Variants in VWF observed in about 807,000 individuals in gnomAD.
The protein encoded by VWF is von Willebrand factor.
Under a neutral mutation model 308.6 loss-of-function variants are expected in VWF, and 176 were observed. That is an observed-to-expected ratio of 0.57 (90% CI 0.50 to 0.65). The LOEUF (loss-of-function observed/expected upper bound fraction) is 0.65. Ranked by LOEUF, VWF falls within the 30% of genes least tolerant of loss-of-function variation. The pLI is 0.00. For missense variants in VWF, 3,146 were observed against 3,648.2 expected (o/e 0.86, Z 3.55); for synonymous variants, 1,385 against 1,443.4 (o/e 0.96, Z 0.92).
intron 3 of VWF, among the ~76,000 whole-genome samples, chr12:6,113,355 T>C (rs954514447): frequency 2.6e-5 from 4 of 150,998 alleles, no homozygotes; most frequent in African/African-American, 9.8e-5. Flanking sequence ...TGGAGTGCAG[T>C]GGCGCGATCT....
intron 9 of VWF, 53 bp downstream of exon 9, chr12:6,072,278 C>G: frequency 1.3e-6 from 2 of 1,566,906 alleles, no homozygotes; most frequent in Non-Finnish European, 8.8e-7. Context: ...CCCAGCTTCC[C>G]TCCCCAGTCC....
intron 42 of VWF, among the ~76,000 whole-genome samples, chr12:5,979,974 G>C (rs914589170): frequency 4.7e-5 from 7 of 148,894 alleles, no homozygotes; most frequent in African/African-American, 1.7e-4. Context: ...CCGGGAGGTG[G>C]AGCTTGCAGT....
chr12:5,976,364 A>G lies in VWF; in HGVS notation c.7288-104T>C, dbSNP rs907030902. The stretch of plus-strand genomic sequence containing the variant: ...CCGCTCTAAGTGCTGAGAATGTGGC[A>G]ATAAATAAAACCAAATGTGGTCTCC... On this transcript the variant is annotated intron_variant, in intron 42 of 51. Transcript: ENST00000261405. 2.7e-6 allele frequency: 4 copies of G among 1,487,826 alleles called. No homozygotes were observed. The South Asian group carries it at 4.6e-5, about 17-fold the overall frequency. The allele number at this position is 1,487,826 out of a possible 1,614,324, so 92.2% of individuals were successfully genotyped here.
chr12:6,034,190 T>C (rs216320), intron 20 of VWF, among the ~76,000 whole-genome samples: 139,038 of 152,172 alleles, frequency 0.91, 63,650 homozygotes, highest in African/African-American at 0.94. Flanking sequence ...CAAAGCCATA[T>C]CGTGGGAAGC....
intron 42 of VWF, among the ~76,000 whole-genome samples, chr12:5,979,490 G>A (rs1405919142): frequency 2.0e-5 from 3 of 152,198 alleles, no homozygotes; most frequent in Non-Finnish European, 4.4e-5. Flanking sequence ...GGTGGCTGAC[G>A]CCTGTAATCC....
chr12:6,004,111 TTATATG>T (rs1943902769), intron 34 of VWF, among the ~76,000 whole-genome samples: 1 of 152,172 alleles, frequency 6.6e-6, no homozygotes, highest in Non-Finnish European at 1.5e-5. Context: ...AAATTTTATG[TTATATG>T]TATATTACTG....
At chr12:5,980,639 G>A (rs1350664004) in intron 42 of VWF, among the ~76,000 whole-genome samples, 1 of 152,230 alleles carries the variant, frequency 6.6e-6, no homozygotes, top group Non-Finnish European at 1.5e-5. Context: ...GAAAGCAGCA[G>A]CAGCAACTGT....
At chr12:5,976,940 C>T (rs1943540544) in intron 42 of VWF, among the ~76,000 whole-genome samples, 3 of 152,224 alleles carry the variant, frequency 2.0e-5, no homozygotes, top group Admixed American at 2.0e-4. Context: ...GCTGTTTGAT[C>T]ACGGGACTTA....
chr12:6,039,228 C>T (rs980309196), intron 18 of VWF, among the ~76,000 whole-genome samples: 4 of 152,218 alleles, frequency 2.6e-5, no homozygotes, highest in Non-Finnish European at 5.9e-5. Context: ...CAAAAATACT[C>T]GTCCCATCAC....
intron 16 of VWF, among the ~76,000 whole-genome samples, chr12:6,051,371 A>C (rs1327142271): frequency 2.0e-5 from 3 of 146,606 alleles, no homozygotes; most frequent in African/African-American, 7.8e-5. Context: ...AGCTCACTGC[A>C]ACCTCCGCCT....
At chr12:5,980,412 T>C (rs1943592590) in intron 42 of VWF, among the ~76,000 whole-genome samples, 1 of 152,142 alleles carries the variant, frequency 6.6e-6, no homozygotes, top group African/African-American at 2.4e-5. Context: ...ATACAGGGGA[T>C]AGAGGAACAC....
At position 5,991,908 on chromosome 12, in the gene VWF, A is replaced by G. The variant is rs770625592; in HGVS notation, c.6709T>C (p.Cys2237Arg). 6 of 1,614,234 alleles carry G rather than the reference A, an allele frequency of 3.7e-6. No homozygotes were observed. The South Asian group carries it at 6.6e-5, about 18-fold the overall frequency. ...CGDHPSEGCF[C>R]PPDKVMLEGS... ...TCCAACATGACTTTATCTGGAGGGCAGAAACAGCCTTCGGAGGGATGGTCC... is the reference window on the plus strand; with the variant it reads ...TCCAACATGACTTTATCTGGAGGGCGGAAACAGCCTTCGGAGGGATGGTCC... Residue 2237 changes from cysteine to arginine, a missense_variant, in exon 38 of 52, where the codon TGC becomes CGC. By Grantham distance (180) the Cys-to-Arg change is radical. Around this residue, in one of 3 missense-constraint regions of VWF, gnomAD observed 989 missense variants for 1,117.4 expected, o/e 0.89. Transcript: ENST00000261405.
At chr12:6,044,122 G>GCT (rs879775751) in intron 18 of VWF, among the ~76,000 whole-genome samples, 169 bp downstream of exon 18, 6,003 of 152,200 alleles carry the variant, frequency 0.039, 146 homozygotes, top group Middle Eastern at 0.068. Context: ...TTGGCAGGGA[G>GCT]GAGACAGAAG....
intron 43 of VWF, among the ~76,000 whole-genome samples, chr12:5,973,468 C>T (rs1480940023): frequency 6.6e-6 from 1 of 152,194 alleles, no homozygotes; most frequent in African/African-American, 2.4e-5. Context: ...AGATGCCAAG[C>T]TCTGGTCACT....
intron 3 of VWF, among the ~76,000 whole-genome samples, chr12:6,116,087 G>A (rs1162970240): frequency 6.6e-6 from 1 of 152,138 alleles, no homozygotes; most frequent in Non-Finnish European, 1.5e-5. Context: ...ATCAGATGAT[G>A]TGCAGCCATT....
intron 3 of VWF, among the ~76,000 whole-genome samples, chr12:6,120,762 A>G (rs1446505387): frequency 6.6e-6 from 1 of 152,146 alleles, no homozygotes; most frequent in Non-Finnish European, 1.5e-5. Flanking sequence ...CTTCTGCAGG[A>G]ATACAGGAAG....
At chr12:6,047,961 T>C (rs973172443) in intron 16 of VWF, among the ~76,000 whole-genome samples, 1 of 152,226 alleles carries the variant, frequency 6.6e-6, no homozygotes, top group African/African-American at 2.4e-5. Context: ...AGGGCGGGGA[T>C]AGCAGGTGTG....
intron 5 of VWF, among the ~76,000 whole-genome samples, chr12:6,098,894 G>C (rs1945132394): frequency 6.6e-6 from 1 of 152,138 alleles, no homozygotes; most frequent in South Asian, 2.1e-4. Context: ...TGCCAACGAA[G>C]GGGTGTGGGT....
chr12:6,019,754 G>C lies in VWF; in HGVS notation c.3675-11C>G, dbSNP rs1182887308. 1.2e-6 allele frequency: 2 copies of C among 1,607,158 alleles called. No individual in the cohort carries two copies. The highest frequency in any genetic ancestry group is 3.4e-5 in the Admixed American group (2 of 58,454). ...ACAACATCACAGTGGCTGCAGAAAA[G>C]AGCGAAGAAATTAAAATGGTTCAGG... On this transcript the variant is annotated splice_polypyrimidine_tract_variant and intron_variant, in intron 27 of 51. Transcript: ENST00000261405. The surrounding 1 kb of genome is among the most constrained non-coding windows in gnomAD (Gnocchi z 5.8).
Sources: gnomAD v4.1 joint callset for allele counts (sites outside exome capture counted in the v4.1 genomes callset) on GRCh38, gnomAD v4.1.1 for gene constraint, gnomAD v4.1.1 regional missense constraint, Gnocchi (gnomAD v3.1) non-coding constraint, MANE v1.5 for transcripts, NCBI Gene and HGNC (gene_info 2026-07-23, HGNC 2026-07-21) for gene names.